BMPR1A: variants seen among roughly 807,000 people sequenced by gnomAD.
BMPR1A encodes the protein bone morphogenetic protein receptor type 1A.
A neutral mutation model predicts 66.0 loss-of-function variants in BMPR1A; 7 were observed. The observed-to-expected ratio is 0.11, with a 90% CI of 0.06 to 0.20. The LOEUF is 0.20. BMPR1A is among the 10% of genes least tolerant of loss of function. The pLI is 1.00. For synonymous variants in BMPR1A, 200 were observed against 229.7 expected (o/e 0.87, Z 1.17); for missense variants, 408 against 669.1 (o/e 0.61, Z 4.31).
chr10:86,879,579 A>C (rs569594389), intron 3 of BMPR1A, among the ~76,000 whole-genome samples: 1 of 152,336 alleles, frequency 6.6e-6, no homozygotes, highest in South Asian at 2.1e-4. Flanking sequence ...ACATTTGTTG[A>C]CCTGACATCA....
intron 1 of BMPR1A, among the ~76,000 whole-genome samples, chr10:86,772,773 C>T (rs972738497): frequency 1.3e-5 from 2 of 152,094 alleles, no homozygotes; most frequent in African/African-American, 4.8e-5. Flanking sequence ...TAAAAATCAT[C>T]CCATTCCTTT....
At chr10:86,793,522 C>G (rs1179434011) in intron 1 of BMPR1A, among the ~76,000 whole-genome samples, 1 of 151,858 alleles carries the variant, frequency 6.6e-6, no homozygotes, top group Non-Finnish European at 1.5e-5. Flanking sequence ...TGCCACCACG[C>G]CTAGCTAATT....
chr10:86,887,531 T>G (rs1302008436), intron 3 of BMPR1A, among the ~76,000 whole-genome samples: 1 of 152,216 alleles, frequency 6.6e-6, no homozygotes, highest in Non-Finnish European at 1.5e-5. Context: ...TATAACCTCT[T>G]GATTTGAATT....
intron 1 of BMPR1A, among the ~76,000 whole-genome samples, chr10:86,803,922 A>G (rs1341862214): frequency 2.0e-5 from 3 of 152,180 alleles, no homozygotes; most frequent in Non-Finnish European, 2.9e-5. Context: ...TTCGCGTTTC[A>G]TCTTTCACAA....
At chr10:86,801,589 TG>T (rs549579199) in intron 1 of BMPR1A, among the ~76,000 whole-genome samples, 183 of 152,312 alleles carry the variant, frequency 1.2e-3, no homozygotes, top group Non-Finnish European at 7.2e-4. Flanking sequence ...GGTAGAGACT[TG>T]GTAAGAAAAC....
At chr10:86,854,389 G>A (rs988650598) in intron 2 of BMPR1A, among the ~76,000 whole-genome samples, 23 of 150,844 alleles carry the variant, frequency 1.5e-4, no homozygotes, top group Non-Finnish European at 2.2e-4. Flanking sequence ...AGAGATTAAA[G>A]TAAAGACAAG....
chr10:86,892,671 T>TGCCCGCATCG (rs1413869411), intron 5 of BMPR1A, among the ~76,000 whole-genome samples: 1 of 151,978 alleles, frequency 6.6e-6, no homozygotes, highest in Non-Finnish European at 1.5e-5. Flanking sequence ...TCAAGCAGTC[T>TGCCCGCATCG]GCCCGCATCG....
intron 7 of BMPR1A, among the ~76,000 whole-genome samples, chr10:86,906,118 G>C (rs1208637053): frequency 6.6e-6 from 1 of 152,064 alleles, no homozygotes. Context: ...ATTTTCCCAA[G>C]GTATTTTCAC....
At chr10:86,831,142 A>G (rs1021753501) in intron 1 of BMPR1A, among the ~76,000 whole-genome samples, 4 of 152,178 alleles carry the variant, frequency 2.6e-5, no homozygotes, top group African/African-American at 7.2e-5. Context: ...CTGATCGGCA[A>G]TTAAGGTTGT....
intron 1 of BMPR1A, among the ~76,000 whole-genome samples, chr10:86,781,334 T>C (rs566204816): frequency 1.1e-3 from 170 of 152,344 alleles, no homozygotes; most frequent in African/African-American, 3.9e-3. Context: ...AGAAATCCGC[T>C]GGCTGTAGAT....
At chr10:86,811,919 A>G (rs1470390705) in intron 1 of BMPR1A, among the ~76,000 whole-genome samples, 3 of 152,090 alleles carry the variant, frequency 2.0e-5, no homozygotes, top group Non-Finnish European at 4.4e-5. Flanking sequence ...ATTTGTACAA[A>G]AAATTAGAAA....
At chr10:86,758,967 C>T (rs917884217) in intron 1 of BMPR1A, among the ~76,000 whole-genome samples, 6 of 152,188 alleles carry the variant, frequency 3.9e-5, no homozygotes, top group African/African-American at 1.4e-4. Flanking sequence ...AGATCCTTCC[C>T]TCATGGAGCT....
chr10:86,816,156 C>T (rs1842033498), intron 1 of BMPR1A, among the ~76,000 whole-genome samples: 1 of 152,218 alleles, frequency 6.6e-6, no homozygotes, highest in South Asian at 2.1e-4. Flanking sequence ...CACTAGGCTA[C>T]ATGTGGCCAT....
At position 86,917,187 on chromosome 10, in the gene BMPR1A, C is replaced by G. The variant is rs770821763; in HGVS notation, c.729C>G (p.Gly243=). 33 of 1,613,960 alleles carry G rather than the reference C, an allele frequency of 2.0e-5. No individual in the cohort carries two copies. The highest frequency in any genetic ancestry group is 2.8e-5 in the Non-Finnish European group (33 of 1,179,964). ...QIQMVRQVGK[G]RYGEVWMGKW... is the part of the protein sequence containing the mutation. ...AGATGGTCCGGCAAGTTGGTAAAGG[C>G]CGATATGGAGAAGTATGGATGGGCA... The change falls in exon 9 of 13, where the codon GGC becomes GGG. Residue 243 remains glycine, a synonymous_variant. Coordinates refer to ENST00000372037, the MANE Select transcript of BMPR1A (RefSeq NM_004329.3).
chr10:86,866,184 A>G (rs368984265), intron 2 of BMPR1A, among the ~76,000 whole-genome samples: 1 of 151,102 alleles, frequency 6.6e-6, no homozygotes, highest in East Asian at 1.9e-4. Context: ...TCCCAGCTCC[A>G]GCATCAGAAA....
At chr10:86,814,861 C>G (rs1842013460) in intron 1 of BMPR1A, among the ~76,000 whole-genome samples, 1 of 152,146 alleles carries the variant, frequency 6.6e-6, no homozygotes, top group Non-Finnish European at 1.5e-5. Flanking sequence ...TCTCGGCTCT[C>G]TACAACCTCT....
At chr10:86,861,209 A>G (rs1842709031) in intron 2 of BMPR1A, among the ~76,000 whole-genome samples, 1 of 152,124 alleles carries the variant, frequency 6.6e-6, no homozygotes, top group Non-Finnish European at 1.5e-5. Context: ...CAGAATAAAG[A>G]AAATAAAGTA....
intron 1 of BMPR1A, among the ~76,000 whole-genome samples, chr10:86,804,790 GTGTTTTTTTT>G (rs1841864621): frequency 1.0e-5 from 1 of 97,500 alleles, no homozygotes; most frequent in African/African-American, 4.3e-5. Flanking sequence ...ATGTTTGTAG[GTGTTTTTTTT>G]TTTTTTTTTT....
intron 1 of BMPR1A, among the ~76,000 whole-genome samples, chr10:86,836,747 A>G (rs1009470892): frequency 1.3e-5 from 2 of 152,154 alleles, no homozygotes; most frequent in African/African-American, 4.8e-5. Flanking sequence ...AGCCTGGGCA[A>G]CACGGCAAAA....
Sources: allele counts gnomAD v4.1 joint callset (sites outside exome capture counted in the v4.1 genomes callset), GRCh38; gene constraint gnomAD v4.1.1; transcripts MANE v1.5; gene names NCBI Gene and HGNC (gene_info 2026-07-23, HGNC 2026-07-21).